Variants in ME3 observed in about 807,000 individuals in gnomAD.
ME3 encodes the protein NADP-dependent malic enzyme, mitochondrial.
Under a neutral mutation model 68.9 loss-of-function variants are expected in ME3, and 48 were observed. The ratio of observed to expected loss-of-function variants is 0.70; its 90% CI spans 0.55 to 0.89. ME3 has a LOEUF of 0.89. ME3 is among the 40% of genes least tolerant of loss of function. ME3 has a pLI of 0.00. For synonymous variants in ME3, 320 were observed against 318.8 expected (o/e 1.00, Z -0.04); for missense variants, 675 against 797.4 (o/e 0.85, Z 1.85).
At chr11:86,487,483 T>A in intron 6 of ME3, 43 bp from the exon 7 acceptor site, 1 of 1,502,176 alleles carries the variant, frequency 6.7e-7, no homozygotes, top group Non-Finnish European at 9.1e-7. Context: ...CTCCCGGTGT[T>A]CCTGTTTTTT....
intron 2 of ME3, among the ~76,000 whole-genome samples, chr11:86,636,488 T>C (rs1446563617): frequency 3.3e-5 from 5 of 152,022 alleles, no homozygotes; most frequent in Non-Finnish European, 7.4e-5. Flanking sequence ...AGGAGAAGCA[T>C]CCCTTGGTGC....
At chr11:86,595,567 G>A (rs1304627642) in intron 2 of ME3, among the ~76,000 whole-genome samples, 2 of 152,128 alleles carry the variant, frequency 1.3e-5, no homozygotes, top group Non-Finnish European at 2.9e-5. Flanking sequence ...GCGTGCCCTG[G>A]TTTGAAAGGT....
At position 86,584,011 on chromosome 11, in the gene ME3, C is replaced by A. The variant is rs1203885917; in HGVS notation, c.184-24188G>T. ...GCCTCTGCACAGCAAAGAAAACAAT[C>A]CACAGAGTGAAAAGGCAACCTACAG... On this transcript the variant is annotated intron_variant, in intron 2 of 14. Coordinates refer to ENST00000543262, the Ensembl canonical transcript of ME3. Among the ~76,000 whole-genome samples, 5 of 152,096 alleles carry A rather than the reference C, an allele frequency of 3.3e-5. 1 individual carries two copies. Among genetic ancestry groups the A allele is most frequent in the Admixed American group, 3.3e-4 (5 of 15,268 alleles).
At chr11:86,660,807 G>A (rs994354886) in intron 2 of ME3, among the ~76,000 whole-genome samples, 8 of 151,380 alleles carry the variant, frequency 5.3e-5, no homozygotes, top group Non-Finnish European at 1.0e-4. Flanking sequence ...TAGAGGAAGT[G>A]CACCTGGCAC....
At chr11:86,549,778 AAG>A (rs1017227876) in intron 4 of ME3, among the ~76,000 whole-genome samples, 38 of 152,238 alleles carry the variant, frequency 2.5e-4, no homozygotes, top group African/African-American at 8.9e-4. Flanking sequence ...GAAATTGGGG[AAG>A]AGAGGAGGAT....
At chr11:86,453,856 A>ACACCAACGCCACTAACTGC (rs1170881335) in intron 8 of ME3, among the ~76,000 whole-genome samples, 2 of 152,312 alleles carry the variant, frequency 1.3e-5, no homozygotes, top group African/African-American at 4.8e-5. Context: ...CCACTCAGTG[A>ACACCAACGCCACTAACTGC]CACCAACGCC....
At chr11:86,529,943 A>G (rs1350405705) in intron 4 of ME3, among the ~76,000 whole-genome samples, 5 of 152,204 alleles carry the variant, frequency 3.3e-5, no homozygotes, top group African/African-American at 9.7e-5. Flanking sequence ...GAAAACTGGC[A>G]CAAGACAGGG....
At chr11:86,670,981 C>G (rs1946896649) in intron 2 of ME3, among the ~76,000 whole-genome samples, 1 of 152,126 alleles carries the variant, frequency 6.6e-6, no homozygotes, top group Non-Finnish European at 1.5e-5. Flanking sequence ...AGGACTAAAT[C>G]TGTCCTTGCT....
At chr11:86,484,520 GC>G (rs1301791249) in intron 7 of ME3, among the ~76,000 whole-genome samples, 3 of 151,952 alleles carry the variant, frequency 2.0e-5, no homozygotes, top group Admixed American at 6.6e-5. Flanking sequence ...CAAGGATCCC[GC>G]CCCCCGCTCC....
intron 7 of ME3, among the ~76,000 whole-genome samples, chr11:86,486,697 C>G (rs981901934): frequency 2.6e-5 from 4 of 152,236 alleles, no homozygotes; most frequent in Admixed American, 2.6e-4. Flanking sequence ...TCAGAGTAAA[C>G]ATGGGTGTGT....
chr11:86,603,290 A>C (rs1961033463), intron 2 of ME3, among the ~76,000 whole-genome samples: 1 of 152,162 alleles, frequency 6.6e-6, no homozygotes, highest in African/African-American at 2.4e-5. Flanking sequence ...TGGGCAAAGG[A>C]TATGAACAGA....
At chr11:86,636,063 C>G (rs1944313422) in intron 2 of ME3, among the ~76,000 whole-genome samples, 1 of 152,084 alleles carries the variant, frequency 6.6e-6, no homozygotes, top group Non-Finnish European at 1.5e-5. Flanking sequence ...CATTTACCAG[C>G]CTACAAGGGT....
intron 2 of ME3, among the ~76,000 whole-genome samples, chr11:86,598,630 A>G (rs962473635): frequency 6.6e-5 from 10 of 152,178 alleles, no homozygotes; most frequent in African/African-American, 2.4e-4. Context: ...GAGATCTGAG[A>G]ATGGGAAGAC....
intron 10 of ME3, among the ~76,000 whole-genome samples, chr11:86,449,673 A>T (rs759467925): frequency 3.3e-5 from 5 of 151,174 alleles, no homozygotes; most frequent in Admixed American, 2.0e-4. Context: ...GGGGGACAAG[A>T]CTAGAAGGGG....
chr11:86,584,957 A>G (rs1958647164), intron 2 of ME3, among the ~76,000 whole-genome samples: 4 of 152,358 alleles, frequency 2.6e-5, no homozygotes, highest in Admixed American at 2.6e-4. Context: ...TTCTCACCAC[A>G]GTGAAAAAAA....
intron 2 of ME3, among the ~76,000 whole-genome samples, chr11:86,595,914 C>T (rs1375538320): frequency 2.0e-5 from 3 of 152,230 alleles, no homozygotes; most frequent in African/African-American, 4.8e-5. Context: ...CGGCCCCAGA[C>T]ACTCTAATAT....
chr11:86,611,948 AT>A (rs1942612681), intron 2 of ME3, among the ~76,000 whole-genome samples: 2 of 152,070 alleles, frequency 1.3e-5, no homozygotes, highest in Non-Finnish European at 2.9e-5. Flanking sequence ...TTTAATTTTT[AT>A]TTCTTCTAAA....
At chr11:86,446,074 C>G (rs1179365075) in intron 13 of ME3, among the ~76,000 whole-genome samples, 1 of 152,180 alleles carries the variant, frequency 6.6e-6, no homozygotes, top group Non-Finnish European at 1.5e-5. Context: ...CCTCCTCTGT[C>G]AGTGCCTCTT....
chr11:86,627,139 A>G (rs1943714195), intron 2 of ME3, among the ~76,000 whole-genome samples: 1 of 152,248 alleles, frequency 6.6e-6, no homozygotes, highest in South Asian at 2.1e-4. Flanking sequence ...GGGCCAGCCC[A>G]TGCAAGATGT....
Sources: allele counts gnomAD v4.1 joint callset (sites outside exome capture counted in the v4.1 genomes callset), GRCh38; gene constraint gnomAD v4.1.1; transcripts MANE v1.5; gene names NCBI Gene and HGNC (gene_info 2026-07-23, HGNC 2026-07-21).